GRID2: variants seen among roughly 807,000 people sequenced by gnomAD.
The protein encoded by GRID2 is glutamate ionotropic receptor delta type subunit 2.
In GRID2, 33 loss-of-function variants were observed where a neutral mutation model predicts 114.8. That is an observed-to-expected ratio of 0.29 (90% confidence interval 0.22 to 0.38). The LOEUF (loss-of-function observed/expected upper bound fraction) is 0.38. Among genes scored for constraint, GRID2 ranks in the 10% least tolerant of loss-of-function variants. The pLI is 1.00. For synonymous variants in GRID2, 505 were observed against 449.9 expected (o/e 1.12, Z -1.55); for missense variants, 1,184 against 1,257.7 (o/e 0.94, Z 0.89).
intron 12 of GRID2, among the ~76,000 whole-genome samples, chr4:93,505,788 C>G (rs1728571749): frequency 6.6e-6 from 1 of 151,662 alleles, no homozygotes; most frequent in East Asian, 1.9e-4. Context: ...ATATTTCTGT[C>G]AACACTGTCA....
At chr4:92,921,742 T>C (rs771784053) in intron 2 of GRID2, among the ~76,000 whole-genome samples, 88 of 152,140 alleles carry the variant, frequency 5.8e-4, no homozygotes, top group Non-Finnish European at 1.2e-3. Flanking sequence ...CCGTGTGAGG[T>C]GTCAGTCTGC....
chr4:92,977,276 A>G (rs2149181601), intron 2 of GRID2, among the ~76,000 whole-genome samples: 1 of 152,296 alleles, frequency 6.6e-6, no homozygotes, highest in East Asian at 1.9e-4. Context: ...CCCTAAGGAG[A>G]TGACATTTGA....
At chr4:92,658,536 A>G (rs1402875969) in intron 2 of GRID2, among the ~76,000 whole-genome samples, 2 of 151,714 alleles carry the variant, frequency 1.3e-5, no homozygotes, top group African/African-American at 4.8e-5. Flanking sequence ...AATCACATTA[A>G]TTAATGCTTA....
At chr4:93,138,922 T>C (rs1006633829) in intron 4 of GRID2, among the ~76,000 whole-genome samples, 1 of 152,222 alleles carries the variant, frequency 6.6e-6, no homozygotes, top group Non-Finnish European at 1.5e-5. Context: ...TCCGTACTCC[T>C]CAGAGTGGCA....
chr4:93,740,487 C>T (rs1731274338), intron 14 of GRID2, among the ~76,000 whole-genome samples: 1 of 152,158 alleles, frequency 6.6e-6, no homozygotes, highest in Non-Finnish European at 1.5e-5. Flanking sequence ...TTTCTTTGGT[C>T]ATTTCTATTG....
At chr4:92,714,354 T>G (rs1836439) in intron 2 of GRID2, among the ~76,000 whole-genome samples, 2 of 152,006 alleles carry the variant, frequency 1.3e-5, no homozygotes, top group Admixed American at 6.5e-5. Context: ...CTCTCAGGTG[T>G]TTTCACAGGC....
intron 2 of GRID2, among the ~76,000 whole-genome samples, chr4:92,633,538 G>T (rs530587604): frequency 6.6e-6 from 1 of 152,070 alleles, no homozygotes; most frequent in East Asian, 1.9e-4. Flanking sequence ...TTATATATTC[G>T]TACCTTCTCT....
intron 1 of GRID2, among the ~76,000 whole-genome samples, chr4:92,569,921 CTG>C (rs1410661250): frequency 6.6e-6 from 1 of 152,052 alleles, no homozygotes; most frequent in African/African-American, 2.4e-5. Flanking sequence ...TATTTTTACT[CTG>C]TTGATACTTT....
intron 1 of GRID2, among the ~76,000 whole-genome samples, chr4:92,546,045 C>T (rs980869393): frequency 3.3e-5 from 5 of 151,988 alleles, no homozygotes; most frequent in African/African-American, 7.2e-5. Flanking sequence ...TGTTAGTTTC[C>T]GATACACCAA....
chr4:93,044,428 A>G (rs887569701), intron 2 of GRID2, among the ~76,000 whole-genome samples: 1 of 152,154 alleles, frequency 6.6e-6, no homozygotes, highest in Non-Finnish European at 1.5e-5. Flanking sequence ...CGTTTGCAAA[A>G]GAGATATTTC....
chr4:92,504,620 G>A (rs1186193142), intron 1 of GRID2, among the ~76,000 whole-genome samples: 1 of 151,914 alleles, frequency 6.6e-6, no homozygotes, highest in Non-Finnish European at 1.5e-5. Context: ...CACTAATAAG[G>A]TTCAGCCTCT....
intron 1 of GRID2, among the ~76,000 whole-genome samples, chr4:92,542,623 C>T (rs1473582044): frequency 2.0e-5 from 3 of 151,522 alleles, no homozygotes; most frequent in Non-Finnish European, 2.9e-5. Flanking sequence ...ACTCTGGGGA[C>T]TCGGTGGGAG....
intron 2 of GRID2, among the ~76,000 whole-genome samples, chr4:92,896,352 C>A (rs1041260314): frequency 6.6e-6 from 1 of 152,062 alleles, no homozygotes; most frequent in African/African-American, 2.4e-5. Flanking sequence ...TAAATAAAAT[C>A]CTGATAGAAA....
chr4:93,687,794 G>C (rs569820704), intron 14 of GRID2, among the ~76,000 whole-genome samples: 2 of 151,882 alleles, frequency 1.3e-5, no homozygotes, highest in Admixed American at 1.3e-4. Flanking sequence ...TGTTATAAAA[G>C]AATAAAGAAA....
chr4:93,553,228 G>A lies in GRID2; in HGVS notation c.2193+37817G>A, dbSNP rs187553554. ...ACCACACTGTGGACAGTGGTTGAAC[G>A]AATTTGCACTCCCACCAACAGTGTA... On this transcript the variant is annotated intron_variant, in intron 13 of 15. Transcript: ENST00000282020. 2.5e-4 allele frequency among the ~76,000 whole-genome samples: 38 copies of A among 152,206 alleles called. 1 individual carries two copies. The highest frequency in any genetic ancestry group is 2.1e-3 in the East Asian group (11 of 5,166).
At chr4:93,083,695 C>CAAAA (rs34205612) in intron 2 of GRID2, among the ~76,000 whole-genome samples, 24 of 75,614 alleles carry the variant, frequency 3.2e-4, no homozygotes, top group Admixed American at 6.1e-4. Context: ...GACTCCATCT[C>CAAAA]AAAAAAAAAA....
intron 2 of GRID2, among the ~76,000 whole-genome samples, chr4:92,879,656 T>C (rs1274944109): frequency 6.6e-6 from 1 of 152,250 alleles, no homozygotes; most frequent in Non-Finnish European, 1.5e-5. Flanking sequence ...AAAGAGACTT[T>C]CAATTATATT....
intron 9 of GRID2, among the ~76,000 whole-genome samples, chr4:93,420,457 T>C (rs1270778215): frequency 1.3e-5 from 2 of 152,176 alleles, no homozygotes; most frequent in Non-Finnish European, 2.9e-5. Context: ...TGTGTAAAGT[T>C]TTATTATGTA....
chr4:92,846,889 A>T (rs1743367613), intron 2 of GRID2, among the ~76,000 whole-genome samples: 1 of 152,104 alleles, frequency 6.6e-6, no homozygotes, highest in African/African-American at 2.4e-5. Context: ...GAGGAAACTC[A>T]GTCATAGAAA....
Sources: allele counts gnomAD v4.1 joint callset (sites outside exome capture counted in the v4.1 genomes callset), GRCh38; gene constraint gnomAD v4.1.1; transcripts MANE v1.5; gene names NCBI Gene and HGNC (gene_info 2026-07-23, HGNC 2026-07-21).